The following LSS variants were observed in gnomAD, a reference collection of about 807,000 sequenced individuals.
The protein encoded by LSS is 2,3-epoxysqualene-lanosterol cyclase.
A neutral mutation model predicts 110.3 loss-of-function variants in LSS; 90 were observed. The observed-to-expected ratio is 0.82, with a 90% CI of 0.69 to 0.97. The LOEUF (loss-of-function observed/expected upper bound fraction) is 0.97, where lower values mean the gene tolerates loss of function less well. LSS is among the 50% of genes least tolerant of loss of function. LSS has a pLI of 0.00. For missense variants in LSS, 927 were observed against 990.0 expected (o/e 0.94, Z 0.85); for synonymous variants, 433 against 400.0 (o/e 1.08, Z -0.98).
At chr21:46,210,902 G>A (rs919418440) in intron 11 of LSS, among the ~76,000 whole-genome samples, 158 bp from the exon 12 acceptor site, 2 of 152,202 alleles carry the variant, frequency 1.3e-5, no homozygotes, top group Non-Finnish European at 2.9e-5. Context: ...CCTCATGGCT[G>A]ACAAGGGCCT....
At chr21:46,197,251 T>A (rs1443503900) in intron 17 of LSS, among the ~76,000 whole-genome samples, 1 of 152,262 alleles carries the variant, frequency 6.6e-6, no homozygotes, top group African/African-American at 2.4e-5. Context: ...GAAAGTTTTA[T>A]GTATTACATT....
chr21:46,219,300 T>C (rs989749912), intron 6 of LSS, among the ~76,000 whole-genome samples, 176 bp downstream of exon 6: 1 of 152,170 alleles, frequency 6.6e-6, no homozygotes, highest in African/African-American at 2.4e-5. Flanking sequence ...TCCCCCTTTC[T>C]GTACCCCTAC....
In LSS at chr21:46,215,672, A is replaced by C; in HGVS notation, c.892+13T>G. Reference sequence around the variant, plus strand: ...CCCTGGGCTGCCCTGCCGGCCCCTCAGGAGGCGCTCACCATATACCACGCG... The same window carrying C: ...CCCTGGGCTGCCCTGCCGGCCCCTCCGGAGGCGCTCACCATATACCACGCG... On this transcript the variant is annotated intron_variant, in intron 8 of 21. Coordinates refer to ENST00000397728, the MANE Select transcript of LSS (RefSeq NM_002340.6). 6.3e-7 allele frequency: 1 copy of C among 1,585,930 alleles called. No homozygotes were observed.
chr21:46,209,623 C>CGCCT lies in LSS; in HGVS notation c.1195-2_1196dup (p.His402ArgfsTer16). 6.2e-7 allele frequency: 1 copy of CGCCT among 1,606,224 alleles called. No homozygotes were observed. Among genetic ancestry groups the CGCCT allele is most frequent in the Non-Finnish European group, 8.5e-7 (1 of 1,176,972 alleles). ...AAAACTCGGGCCTGTGGTGCCCGCC[C>CGCCT]GCCTGGAAGAGACAGCAGGACAGAG... On this transcript the variant is annotated frameshift_variant and splice_region_variant, in exon 13 of 22. Coordinates refer to ENST00000397728, the MANE Select transcript of LSS (RefSeq NM_002340.6). This position sits in a 1 kb window ranked among gnomAD's most constrained non-coding sequence, Gnocchi z 4.4.
chr21:46,228,271 G>A (rs111890900), intron 2 of LSS, among the ~76,000 whole-genome samples, 163 bp downstream of exon 2: 1 of 152,266 alleles, frequency 6.6e-6, no homozygotes, highest in Non-Finnish European at 1.5e-5. Context: ...AGATGAAGGG[G>A]CTGAAGCGGA....
chr21:46,206,391 G>T (rs902067829), intron 16 of LSS, among the ~76,000 whole-genome samples: 1 of 152,214 alleles, frequency 6.6e-6, no homozygotes, highest in Non-Finnish European at 1.5e-5. Context: ...AAGCCCTGTG[G>T]ACTGAGCAGG....
At chr21:46,225,007 T>G (rs574763515) in intron 3 of LSS, among the ~76,000 whole-genome samples, 57 of 152,184 alleles carry the variant, frequency 3.7e-4, no homozygotes, top group African/African-American at 1.3e-3. Context: ...TCCCAGCTAC[T>G]CGAGAGGCTG....
At chr21:46,219,620 A>T in intron 5 of LSS, 48 bp from the exon 6 acceptor site, 1 of 1,219,916 alleles carries the variant, frequency 8.2e-7, no homozygotes, top group Non-Finnish European at 1.2e-6. Flanking sequence ...CTGTCAGCAA[A>T]GTCTGCACTG....
At position 46,215,278 on chromosome 21, in the gene LSS, G is replaced by A; in HGVS notation, c.913C>T (p.His305Tyr). Residue 305 changes from histidine to tyrosine, a missense_variant, in exon 9 of 22, where the codon CAC becomes TAC. His to Tyr is a moderately conservative substitution (Grantham distance 83). Coordinates refer to ENST00000397728, the MANE Select transcript of LSS (RefSeq NM_002340.6). The part of the protein sequence containing the change: ...VVYALLNLYE[H>Y]HHSAHLRQRA... ...TGCCGCAGGTGGGCACTGTGGTGGT[G>A]CTCATACAGGTTGAGGAGCGCTACA... is the stretch of plus-strand genomic sequence containing the variant. 5 of 1,609,584 alleles carry A rather than the reference G, an allele frequency of 3.1e-6. No homozygotes were observed. The highest frequency in any genetic ancestry group is 4.2e-6 in the Non-Finnish European group (5 of 1,179,552).
At chr21:46,223,492 C>T (rs1242328528) in intron 3 of LSS, among the ~76,000 whole-genome samples, 1 of 152,216 alleles carries the variant, frequency 6.6e-6, no homozygotes, top group Non-Finnish European at 1.5e-5. Context: ...TCAAACCATC[C>T]AGACATGCCC....
rs562933344 is a variant in LSS at position 46,215,032 on chromosome 21, A to G, written c.1011+148T>C. 486 of 695,860 alleles carry G rather than the reference A, an allele frequency of 7.0e-4. 1 individual carries two copies. The highest frequency in any genetic ancestry group is 1.6e-3 in the South Asian group (95 of 59,856). 43.1% of individuals were successfully genotyped at this position (695,860 alleles called of 1,614,324 possible). A position where few individuals can be genotyped will look rare whatever the true frequency, so the allele number is the denominator to read the frequency against. On this transcript the variant is annotated intron_variant, in intron 9 of 21. Coordinates refer to ENST00000397728, the MANE Select transcript of LSS (RefSeq NM_002340.6). The stretch of plus-strand genomic sequence containing the variant: ...GGGTCCAGGACAGAAGCCCTCAGAC[A>G]CTTGTGCGATCAGAGGGCCACCTCC...
At position 46,189,964 on chromosome 21, in the gene LSS, G is replaced by A; in HGVS notation, c.*1140C>T. 3.0e-6 allele frequency: 1 copy of A among 333,164 alleles called. No homozygotes were observed. Among genetic ancestry groups the A allele is most frequent in the Non-Finnish European group, 5.9e-6 (1 of 169,382 alleles). 20.6% of individuals were successfully genotyped at this position (333,164 alleles called of 1,614,324 possible). ...ATCCATGCAAGCCAGACCAGACTGG[G>A]TCAGAGGCTAGAAGGGAGCTCACAG... On this transcript the variant is annotated 3_prime_UTR_variant, in exon 22 of 22. Transcript: ENST00000397728.
At chr21:46,204,357 C>A (rs2080018782) in intron 17 of LSS, among the ~76,000 whole-genome samples, 1 of 151,686 alleles carries the variant, frequency 6.6e-6, no homozygotes, top group Non-Finnish European at 1.5e-5. Context: ...AAAATAAAGT[C>A]TCTTTAAAAA....
rs891831870 is a variant in LSS, at chr21:46,207,923, C to T, written c.1317+328G>A. 7.2e-5 allele frequency among the ~76,000 whole-genome samples: 11 copies of T among 152,370 alleles called. No individual in the cohort carries two copies. In the East Asian group the frequency reaches 2.1e-3, roughly 29 times the overall value. On this transcript the variant is annotated intron_variant, in intron 14 of 21. Coordinates refer to ENST00000397728, the MANE Select transcript of LSS (RefSeq NM_002340.6). Reference sequence around the variant, plus strand: ...CTGCACCTGTGGTCACAGCCCACACCGGCTCTGAGGTCTACTTCTTTCCTC... The same window carrying T: ...CTGCACCTGTGGTCACAGCCCACACTGGCTCTGAGGTCTACTTCTTTCCTC...
intron 6 of LSS, among the ~76,000 whole-genome samples, chr21:46,217,249 AAAAAAAAAG>A (rs1223704054): frequency 7.5e-6 from 1 of 134,082 alleles, no homozygotes; most frequent in Non-Finnish European, 1.7e-5. Flanking sequence ...GTCTCAAAAA[AAAAAAAAAG>A]AAAAGAAAAA....
intron 3 of LSS, 40 bp from the exon 4 acceptor site, chr21:46,222,778 G>A (rs369197617): frequency 2.2e-5 from 32 of 1,483,608 alleles, no homozygotes; most frequent in Non-Finnish European, 2.6e-5. Context: ...GGGACAGGTG[G>A]TCATGACTGC....
chr21:46,199,163 A>G (rs550156368), intron 17 of LSS, among the ~76,000 whole-genome samples: 4 of 152,376 alleles, frequency 2.6e-5, no homozygotes, highest in African/African-American at 9.6e-5. Flanking sequence ...GCCAAAATAT[A>G]TGAAGAACTA....
intron 11 of LSS, among the ~76,000 whole-genome samples, chr21:46,212,420 C>T (rs1260732916): frequency 1.3e-5 from 2 of 152,252 alleles, no homozygotes; most frequent in South Asian, 2.1e-4. Flanking sequence ...GGGCTTCTGA[C>T]ACGCACAGAG....
At chr21:46,213,659 G>A (rs1390841444) in intron 10 of LSS, 79 bp downstream of exon 10, 2 of 1,295,506 alleles carry the variant, frequency 1.5e-6, no homozygotes, top group Non-Finnish European at 2.2e-6. Context: ...CACCGTGGGG[G>A]CCCCCTCACT....
Sources: gnomAD v4.1 joint callset for allele counts (sites outside exome capture counted in the v4.1 genomes callset) on GRCh38, gnomAD v4.1.1 for gene constraint, Gnocchi (gnomAD v3.1) non-coding constraint, MANE v1.5 for transcripts, NCBI Gene and HGNC (gene_info 2026-07-23, HGNC 2026-07-21) for gene names.